ERLEC1: variants seen among roughly 807,000 people sequenced by gnomAD.
ERLEC1 encodes the protein ER lectin.
ERLEC1 carries 47 observed loss-of-function variants against 68.0 expected under a neutral mutation model. The observed-to-expected ratio is 0.69, with a 90% confidence interval of 0.55 to 0.88. The LOEUF (loss-of-function observed/expected upper bound fraction) is 0.88. ERLEC1 is among the 40% of genes least tolerant of loss of function. ERLEC1 has a pLI of 0.00. For synonymous variants in ERLEC1, 225 were observed against 203.2 expected, an observed-to-expected ratio of 1.11 and a Z score of -0.91; for missense variants, 567 against 583.8, an observed-to-expected ratio of 0.97 and a Z score of 0.30.
chr2:53,800,653 G>C (rs950058109), intron 6 of ERLEC1, among the ~76,000 whole-genome samples: 22 of 152,114 alleles, frequency 1.4e-4, no homozygotes, highest in African/African-American at 5.1e-4. Context: ...ATTATTAACA[G>C]TGCCTTTTTA....
chr2:53,790,821 A>G (rs1011351993), intron 1 of ERLEC1, among the ~76,000 whole-genome samples: 2 of 152,164 alleles, frequency 1.3e-5, no homozygotes, highest in South Asian at 2.1e-4. Context: ...GTTAATAATT[A>G]TGATATTCTT....
chr2:53,804,352 C>A (rs1676167581), intron 8 of ERLEC1, among the ~76,000 whole-genome samples: 1 of 152,080 alleles, frequency 6.6e-6, no homozygotes, highest in Non-Finnish European at 1.5e-5. Flanking sequence ...TGGCTCACTG[C>A]AACCTCCATC....
At chr2:53,787,985 AG>A (rs1675160806) in intron 1 of ERLEC1, among the ~76,000 whole-genome samples, 1 of 152,232 alleles carries the variant, frequency 6.6e-6, no homozygotes, top group Non-Finnish European at 1.5e-5. Flanking sequence ...TTGAGTCCCC[AG>A]AACATGAGCT....
intron 10 of ERLEC1, 151 bp from the exon 11 acceptor site, chr2:53,812,798 C>G (rs769786522): frequency 2.8e-6 from 2 of 709,702 alleles, no homozygotes; most frequent in Non-Finnish European, 4.4e-6. Flanking sequence ...CTTAAATTTC[C>G]ACTCATTGAA....
intron 4 of ERLEC1, 38 bp from the exon 5 acceptor site, chr2:53,797,694 A>C: frequency 6.3e-7 from 1 of 1,582,426 alleles, no homozygotes; most frequent in South Asian, 1.1e-5. Flanking sequence ...TGTCTTTGCA[A>C]AATACTTAGT....
At chr2:53,815,528 T>C (rs1020718660) in intron 13 of ERLEC1, among the ~76,000 whole-genome samples, 6 of 152,202 alleles carry the variant, frequency 3.9e-5, no homozygotes, top group Non-Finnish European at 8.8e-5. Flanking sequence ...AAACAAGATA[T>C]GTCACTGCAG....
chr2:53,804,871 G>T (rs1676198747), intron 8 of ERLEC1, among the ~76,000 whole-genome samples: 1 of 151,038 alleles, frequency 6.6e-6, no homozygotes, highest in Admixed American at 6.6e-5. Context: ...CAATTGTTTT[G>T]ATTTTTAGAT....
chr2:53,812,925 T>C (rs761477806), intron 10 of ERLEC1, 24 bp from the exon 11 acceptor site: 7 of 1,598,258 alleles, frequency 4.4e-6, no homozygotes, highest in Non-Finnish European at 5.9e-6. Context: ...GCACGCATTA[T>C]CACAAATTTT....
intron 8 of ERLEC1, among the ~76,000 whole-genome samples, chr2:53,806,806 T>A (rs1304751936): frequency 3.3e-5 from 5 of 152,222 alleles, no homozygotes; most frequent in Non-Finnish European, 5.9e-5. Context: ...TATAAATCAT[T>A]CATTCATTTA....
In ERLEC1 at chr2:53,787,482, T is replaced by C; in HGVS notation, c.162+110T>C. 3.8e-6 allele frequency: 5 copies of C among 1,308,654 alleles called. No homozygotes were observed. The South Asian group carries it at 4.5e-5, about 12-fold the overall frequency. 81.1% of individuals were successfully genotyped at this position (1,308,654 alleles called of 1,614,324 possible). On this transcript the variant is annotated intron_variant, in intron 1 of 13. Transcript: ENST00000185150. ...TCCCCAAGACCTTCTCTGCAGACTC[T>C]TACCTTCCCCAAGCCAAAGCTGCTT...
chr2:53,793,624 T>G (rs1392297743), intron 1 of ERLEC1, among the ~76,000 whole-genome samples: 1 of 152,120 alleles, frequency 6.6e-6, no homozygotes, highest in Non-Finnish European at 1.5e-5. Context: ...TTTTTTCTTT[T>G]TTTTTTGTAA....
chr2:53,817,783 C>A, intron 13 of ERLEC1, 115 bp from the exon 14 acceptor site: 1 of 641,432 alleles, frequency 1.6e-6, no homozygotes, highest in Non-Finnish European at 2.8e-6. Context: ...GGATGTTTAT[C>A]TAAAACAAGG....
At position 53,797,562 on chromosome 2, in the gene ERLEC1, G is replaced by A. The variant is rs1332716057; in HGVS notation, c.396G>A (p.Arg132=). Residue 132 remains arginine, a synonymous_variant, in exon 4 of 14, where the codon CGG becomes CGA. Transcript: ENST00000185150. Reference sequence around the variant, plus strand: ...AAGTATGTCATGGAAAACACATTCGGCAGTACCATGAAGAGAAAGAAACTG... The same window carrying A: ...AAGTATGTCATGGAAAACACATTCGACAGTACCATGAAGAGAAAGAAACTG... The part of the protein sequence containing the change: ...TYEVCHGKHI[R]QYHEEKETGQ... The A allele has an allele frequency of 6.2e-7, 1 of 1,612,796 alleles. No individual in the cohort carries two copies. The highest frequency in any genetic ancestry group is 2.2e-5 in the East Asian group (1 of 44,804).
rs1675095585 is a variant in ERLEC1, at chr2:53,787,283, C to T, written c.73C>T (p.Leu25=). Residue 25 remains leucine, a synonymous_variant, in exon 1 of 14, where the codon CTG becomes TTG. Coordinates refer to ENST00000185150, the MANE Select transcript of ERLEC1 (RefSeq NM_015701.5). The part of the protein sequence containing the change: ...GPVLLVLCGL[L]EASGGGRALP... ...GGTGTTACTGGTCCTCTGCGGCCTC[C>T]TGGAGGCGTCCGGCGGCGGCCGAGC... is the stretch of plus-strand genomic sequence containing the variant. The T allele has an allele frequency of 1.9e-6, 3 of 1,609,368 alleles. No homozygotes were observed. Among genetic ancestry groups the T allele is most frequent in the Non-Finnish European group, 1.7e-6 (2 of 1,179,980 alleles).
intron 2 of ERLEC1, among the ~76,000 whole-genome samples, chr2:53,795,460 G>A (rs116507812): frequency 0.018 from 2,678 of 151,566 alleles, 85 homozygotes; most frequent in African/African-American, 0.062. Context: ...ACACACACAC[G>A]CACACGGCAT....
At chr2:53,798,397 G>T (rs1316645594) in intron 5 of ERLEC1, among the ~76,000 whole-genome samples, 3 of 151,678 alleles carry the variant, frequency 2.0e-5, no homozygotes, top group African/African-American at 7.2e-5. Context: ...AAGTAGCTGG[G>T]ACCACAGGCA....
chr2:53,805,881 CT>C (rs1395517935), intron 8 of ERLEC1, among the ~76,000 whole-genome samples: 1 of 152,066 alleles, frequency 6.6e-6, no homozygotes, highest in African/African-American at 2.4e-5. Flanking sequence ...TTTTGATTTG[CT>C]TTTCTCTGAT....
chr2:53,815,003 T>C (rs898642227), intron 13 of ERLEC1, 68 bp downstream of exon 13: 8 of 959,054 alleles, frequency 8.3e-6, no homozygotes, highest in South Asian at 3.1e-5. Context: ...TTCTTTTTTT[T>C]TTTTTTTTTT....
At chr2:53,795,838 G>C in intron 2 of ERLEC1, 95 bp from the exon 3 acceptor site, 1 of 765,474 alleles carries the variant, frequency 1.3e-6, no homozygotes, top group Non-Finnish European at 2.1e-6. Context: ...TTATTTCTAA[G>C]CATTTGTGAT....
Sources: gnomAD v4.1 joint callset for allele counts (sites outside exome capture counted in the v4.1 genomes callset) on GRCh38, gnomAD v4.1.1 for gene constraint, MANE v1.5 for transcripts, NCBI Gene and HGNC (gene_info 2026-07-23, HGNC 2026-07-21) for gene names.